Variants in CREG2 observed in about 807,000 individuals in gnomAD.
The protein encoded by CREG2 is cellular repressor of E1A stimulated genes 2.
In CREG2, 24 loss-of-function variants were observed where a neutral mutation model predicts 26.2. The ratio of observed to expected loss-of-function variants is 0.92; its 90% confidence interval spans 0.66 to 1.29. The LOEUF (loss-of-function observed/expected upper bound fraction) is 1.29. Ranked by LOEUF, CREG2 falls within the 50% of genes most tolerant of loss-of-function variation. The probability of loss-of-function intolerance (pLI) is 0.00; values close to 1 mark genes in which losing one functional copy is unlikely to be tolerated. For synonymous variants in CREG2, 174 were observed against 169.2 expected (o/e 1.03, Z -0.22); for missense variants, 366 against 398.6 (o/e 0.92, Z 0.70).
At chr2:101,366,429 A>G (rs918615072) in intron 2 of CREG2, among the ~76,000 whole-genome samples, 1 of 151,974 alleles carries the variant, frequency 6.6e-6, no homozygotes, top group African/African-American at 2.4e-5. Flanking sequence ...TTGGACATAC[A>G]GTTGGCCTTC....
intron 2 of CREG2, among the ~76,000 whole-genome samples, chr2:101,377,987 A>G (rs550997649): frequency 3.3e-5 from 5 of 152,322 alleles, no homozygotes; most frequent in Non-Finnish European, 5.9e-5. Flanking sequence ...TGATGATTTG[A>G]TGTTCATATA....
intron 2 of CREG2, among the ~76,000 whole-genome samples, chr2:101,372,279 C>T (rs1348077740): frequency 6.6e-6 from 1 of 152,180 alleles, no homozygotes. Context: ...GTGTTCACGC[C>T]TACGCATGCC....
intron 2 of CREG2, among the ~76,000 whole-genome samples, chr2:101,374,626 G>C (rs143951424): frequency 6.6e-6 from 1 of 152,206 alleles, no homozygotes; most frequent in Non-Finnish European, 1.5e-5. Context: ...ACAGAGATAC[G>C]TCTTGGCTCT....
intron 2 of CREG2, among the ~76,000 whole-genome samples, chr2:101,369,658 C>T (rs934924818): frequency 1.3e-5 from 2 of 152,150 alleles, no homozygotes; most frequent in African/African-American, 4.8e-5. Flanking sequence ...TTGAAAGATG[C>T]GTATTTCCAT....
rs770539676 is a variant in CREG2, at chr2:101,383,690, G to T, written c.454C>A (p.Pro152Thr). Residue 152 changes from proline to threonine, a missense_variant, in exon 2 of 4, where the codon CCA becomes ACA. By Grantham distance (38) the Pro-to-Thr change is conservative. This residue lies in a region of CREG2 where 174 missense variants were observed against 178.2 expected (regional missense o/e 0.98). Transcript: ENST00000324768. ...CTGACGGGCAGGCAGTTCCCAAATG[G>T]CAGTCCTTGGATCTAACAAACACCA... ...VSTHKKIQGL[P>T]FGNCLPVSDG... is the part of the protein sequence containing the mutation. 1.2e-6 allele frequency: 2 copies of T among 1,607,516 alleles called. No individual in the cohort carries two copies. Among genetic ancestry groups the T allele is most frequent in the Non-Finnish European group, 8.5e-7 (1 of 1,176,420 alleles).
At chr2:101,355,031 G>T (rs1483547534) in intron 3 of CREG2, among the ~76,000 whole-genome samples, 1 of 152,170 alleles carries the variant, frequency 6.6e-6, no homozygotes, top group African/African-American at 2.4e-5. Flanking sequence ...GGTAGGAATT[G>T]TACCTGGAAT....
intron 2 of CREG2, among the ~76,000 whole-genome samples, chr2:101,360,824 CTGAGT>C (rs1338297867): frequency 2.6e-5 from 4 of 151,642 alleles, no homozygotes; most frequent in African/African-American, 4.8e-5. Context: ...AATTTTTCTT[CTGAGT>C]TAAGATGAAA....
chr2:101,380,260 G>A (rs1684851953), intron 2 of CREG2, among the ~76,000 whole-genome samples: 1 of 152,214 alleles, frequency 6.6e-6, no homozygotes, highest in African/African-American at 2.4e-5. Context: ...CTAAGCCTGA[G>A]CTGTTCTTGC....
At chr2:101,359,553 G>T (rs1446141055) in intron 2 of CREG2, among the ~76,000 whole-genome samples, 1 of 152,150 alleles carries the variant, frequency 6.6e-6, no homozygotes, top group Non-Finnish European at 1.5e-5. Flanking sequence ...CCCTGGCACT[G>T]GGTGTGACCA....
Position 101,387,431 on chromosome 2 carries a change from C to G in CREG2, c.27G>C (p.Pro9=), listed in dbSNP as rs934300893. Reference sequence around the variant, plus strand: ...AGGAGAGGCGGGTCCCCGGCCGCGCCGGCCGCCGGCCGCGGCGCACGGACA... The same window carrying G: ...AGGAGAGGCGGGTCCCCGGCCGCGCGGGCCGCCGGCCGCGGCGCACGGACA... MSVRRGRR[P]ARPGTRLSWL... The change falls in exon 1 of 4, where the codon CCG becomes CCC. Residue 9 remains proline, a synonymous_variant. Coordinates refer to ENST00000324768, the MANE Select transcript of CREG2 (RefSeq NM_153836.4). This position sits in a 1 kb window ranked among gnomAD's most constrained non-coding sequence, Gnocchi z 4.7. 5.6e-6 allele frequency: 7 copies of G among 1,247,836 alleles called. No homozygotes were observed. The highest frequency in any genetic ancestry group is 7.1e-6 in the Non-Finnish European group (7 of 989,746). 77.3% of individuals were successfully genotyped at this position (1,247,836 alleles called of 1,614,324 possible).
intron 2 of CREG2, among the ~76,000 whole-genome samples, chr2:101,371,313 T>C (rs1253547667): frequency 1.3e-5 from 2 of 152,154 alleles, no homozygotes; most frequent in Non-Finnish European, 2.9e-5. Flanking sequence ...AAGCCTGCTA[T>C]TCATCTCGTT....
chr2:101,369,855 T>G (rs985124585), intron 2 of CREG2, among the ~76,000 whole-genome samples: 1 of 152,262 alleles, frequency 6.6e-6, no homozygotes, highest in Non-Finnish European at 1.5e-5. Context: ...AAGTTTCATG[T>G]CTTGCCTCTG....
intron 2 of CREG2, among the ~76,000 whole-genome samples, chr2:101,367,002 C>G (rs567931356): frequency 6.6e-6 from 1 of 152,186 alleles, no homozygotes; most frequent in South Asian, 2.1e-4. Context: ...TGAGCATCCA[C>G]GGATTTTGGC....
chr2:101,369,990 C>T lies in CREG2; in HGVS notation c.611+13543G>A, dbSNP rs150198661. ...AACGTGGTGGGGGTTCTCACTGCCT[C>T]TGGGATGCAGCTGATTCCACAGAGG... is the stretch of plus-strand genomic sequence containing the variant. On this transcript the variant is annotated intron_variant, in intron 2 of 3. Transcript: ENST00000324768. Among the ~76,000 whole-genome samples the T allele has an allele frequency of 6.6e-4, 100 of 152,308 alleles. 3 individuals are homozygous for T. The East Asian group carries it at 0.018, about 28-fold the overall frequency.
Position 101,349,239 on chromosome 2 carries a change from A to C in CREG2, c.*1684T>G, listed in dbSNP as rs1684343187. On this transcript the variant is annotated 3_prime_UTR_variant, in exon 4 of 4. Transcript: ENST00000324768. ...AGTAGCAATAATTTTAAACTCTGAA[A>C]ATATAAAATTCCCTCAGAAGTACCT... 6.6e-6 allele frequency: 1 copy of C among 152,588 alleles called. No homozygotes were observed. The highest frequency in any genetic ancestry group is 1.5e-5 in the Non-Finnish European group (1 of 68,044). 9.5% of individuals were successfully genotyped at this position (152,588 alleles called of 1,614,324 possible). A position where few individuals can be genotyped will look rare whatever the true frequency, so the allele number is the denominator to read the frequency against.
intron 2 of CREG2, among the ~76,000 whole-genome samples, chr2:101,356,452 T>C (rs1334080266): frequency 6.6e-6 from 1 of 152,240 alleles, no homozygotes; most frequent in Non-Finnish European, 1.5e-5. Flanking sequence ...GTTGTGAATA[T>C]GTTCTAGAGA....
Position 101,350,000 on chromosome 2 carries a change from G to C in CREG2, c.*923C>G, listed in dbSNP as rs1025992345. 4 of 152,236 alleles carry C rather than the reference G, an allele frequency of 2.6e-5. No homozygotes were observed. The highest frequency in any genetic ancestry group is 9.7e-5 in the African/African-American group (4 of 41,448). 9.4% of individuals were successfully genotyped at this position (152,236 alleles called of 1,614,324 possible). ...TGACGTGCATCTCATTGGTTGCAGG[G>C]CTTAAATGAGATGGCTTCTGTTGAG... On this transcript the variant is annotated 3_prime_UTR_variant, in exon 4 of 4. Transcript: ENST00000324768.
intron 2 of CREG2, chr2:101,382,427 G>C (rs1314896651): frequency 1.4e-6 from 1 of 735,550 alleles, no homozygotes; most frequent in East Asian, 1.4e-4. Context: ...ACTCTATCTC[G>C]AAAAAAAAAA....
chr2:101,355,985 A>G (rs1401498158), intron 2 of CREG2, among the ~76,000 whole-genome samples: 1 of 151,940 alleles, frequency 6.6e-6, no homozygotes, highest in African/African-American at 2.4e-5. Context: ...GCATCCAGGA[A>G]GAATCAGGTC....
Sources: gnomAD v4.1 joint callset for allele counts (sites outside exome capture counted in the v4.1 genomes callset) on GRCh38, gnomAD v4.1.1 for gene constraint, gnomAD v4.1.1 regional missense constraint, Gnocchi (gnomAD v3.1) non-coding constraint, MANE v1.5 for transcripts, NCBI Gene and HGNC (gene_info 2026-07-23, HGNC 2026-07-21) for gene names.